Variants in TENM1 observed in about 807,000 individuals in gnomAD.
TENM1 encodes the protein teneurin transmembrane protein 1.
TENM1 carries 35 observed loss-of-function variants against 174.8 expected under a neutral mutation model. The ratio of observed to expected loss-of-function variants is 0.20; its 90% CI spans 0.15 to 0.27. TENM1 has a LOEUF of 0.27. Among genes scored for constraint, TENM1 ranks in the 10% least tolerant of loss-of-function variants. The pLI, the probability that TENM1 is intolerant of heterozygous loss-of-function variation, is 1.00. For synonymous variants in TENM1, 781 were observed against 798.7 expected (o/e 0.98, Z 0.37); for missense variants, 1,633 against 2,130.1 (o/e 0.77, Z 4.59).
intron 11 of TENM1, among the ~76,000 whole-genome samples, chrX:124,620,543 T>C (rs760089963): frequency 2.5e-4 from 28 of 112,329 alleles, no homozygotes; most frequent in African/African-American, 8.7e-4. Context: ...TTCACAAATA[T>C]TTGTAATAGT....
chrX:124,524,366 G>A (rs191284833), intron 16 of TENM1, among the ~76,000 whole-genome samples: 3 of 112,228 alleles, frequency 2.7e-5, no homozygotes, highest in African/African-American at 6.5e-5. Context: ...CATAAGAAAA[G>A]TAAGGAGCCA....
At chrX:125,019,464 A>G in the TENM1 span, among the ~76,000 whole-genome samples, 2 of 111,622 alleles carry the variant, frequency 1.8e-5, no homozygotes, top group African/African-American at 6.5e-5. Flanking sequence ...ACCCATCATG[A>G]AAGTTGAGAC....
intron 3 of TENM1, among the ~76,000 whole-genome samples, chrX:124,790,706 T>C (rs1376142464): frequency 1.8e-5 from 2 of 111,984 alleles, no homozygotes; most frequent in Non-Finnish European, 3.8e-5. Context: ...TTTATTTTTC[T>C]CTATTATTCA....
chrX:125,053,590 C>T, the TENM1 span, among the ~76,000 whole-genome samples: 1 of 112,007 alleles, frequency 8.9e-6, no homozygotes, highest in Non-Finnish European at 1.9e-5. Flanking sequence ...CTGACCAGTG[C>T]TTCACCTCTG....
At chrX:124,450,276 C>T (rs984549517) in intron 23 of TENM1, among the ~76,000 whole-genome samples, 34 of 108,204 alleles carry the variant, frequency 3.1e-4, no homozygotes, top group Non-Finnish European at 4.6e-4. Context: ...AGGAGAATGG[C>T]GTGAACCCGG....
chrX:125,009,413 T>C, the TENM1 span, among the ~76,000 whole-genome samples: 2 of 110,640 alleles, frequency 1.8e-5, no homozygotes, highest in African/African-American at 6.6e-5. Flanking sequence ...AATCAAAAAA[T>C]TCCCAGGAGA....
At chrX:124,857,686 T>A (rs967281607) in intron 3 of TENM1, among the ~76,000 whole-genome samples, 5 of 110,213 alleles carry the variant, frequency 4.5e-5, no homozygotes, top group Non-Finnish European at 9.5e-5. Context: ...ACTCTGTAAA[T>A]ATAATAAAAA....
intron 22 of TENM1, among the ~76,000 whole-genome samples, chrX:124,463,110 GTC>G (rs1277310551): frequency 2.7e-5 from 3 of 111,899 alleles, no homozygotes; most frequent in Non-Finnish European, 5.6e-5. Context: ...CAGTTGTTCT[GTC>G]AATATAACTT....
intron 23 of TENM1, 34 bp downstream of exon 26, chrX:124,453,303 A>G: frequency 8.6e-7 from 1 of 1,164,780 alleles, no homozygotes. Context: ...ATGATGCCAA[A>G]TGACAATAAT....
chrX:125,054,365 ACTT>A, the TENM1 span, among the ~76,000 whole-genome samples: 4 of 110,054 alleles, frequency 3.6e-5, no homozygotes, highest in African/African-American at 9.9e-5. Context: ...AGCTAATTAA[ACTT>A]CTTTTCTTTA....
chrX:124,577,043 C>T (rs1050355115), intron 11 of TENM1, among the ~76,000 whole-genome samples: 2 of 112,164 alleles, frequency 1.8e-5, no homozygotes, highest in Non-Finnish European at 3.8e-5. Context: ...AAGAACACTT[C>T]ACGAAGACTA....
At chrX:124,414,405 G>A (rs1043788518) in intron 25 of TENM1, among the ~76,000 whole-genome samples, 2 of 111,631 alleles carry the variant, frequency 1.8e-5, no homozygotes, top group African/African-American at 6.5e-5. Context: ...TGTGGAGAAA[G>A]GCTTGTCTGC....
At chrX:124,859,417 G>A (rs978060126) in intron 3 of TENM1, among the ~76,000 whole-genome samples, 14 of 108,278 alleles carry the variant, frequency 1.3e-4, no homozygotes, top group African/African-American at 3.7e-4. Context: ...GGTGGCAGGC[G>A]CCTGTAATCC....
chrX:124,472,636 T>A (rs999073166), intron 22 of TENM1, among the ~76,000 whole-genome samples: 2 of 111,350 alleles, frequency 1.8e-5, no homozygotes, highest in South Asian at 7.5e-4. Flanking sequence ...GTTTGCTGCA[T>A]GTTGTTTGAA....
chrX:125,125,824 C>T, the TENM1 span, among the ~76,000 whole-genome samples: 2 of 111,921 alleles, frequency 1.8e-5, no homozygotes, highest in Non-Finnish European at 3.8e-5. Context: ...GTTTGACTCA[C>T]TTTGGAGGAA....
chrX:124,425,995 G>GGTGT (rs200141105), intron 23 of TENM1, among the ~76,000 whole-genome samples: 889 of 87,970 alleles, frequency 0.01, 15 homozygotes, highest in African/African-American at 0.033. Flanking sequence ...CAAAAGGACT[G>GGTGT]GTGTGTGTGT....
chrX:124,414,682 A>T (rs2060574934), intron 25 of TENM1, among the ~76,000 whole-genome samples: 1 of 111,236 alleles, frequency 9.0e-6, no homozygotes, highest in African/African-American at 3.3e-5. Flanking sequence ...AAACAACATC[A>T]CACTACCTAA....
At position 124,529,614 on chromosome X, in the gene TENM1, G is replaced by A. The variant is rs976781732; in HGVS notation, c.2771+250C>T. Among the ~76,000 whole-genome samples the A allele has an allele frequency of 6.2e-5, 7 of 112,070 alleles. No homozygotes were observed. In the Admixed American group the frequency reaches 6.6e-4, roughly 11 times the overall value. On this transcript the variant is annotated intron_variant, in intron 16 of 31. Transcript: ENST00000422452. ...ACTGATCTTTGAAGTTGGATTTATA[G>A]ATGGAATTAGATAAAGGATAGAAAA... is the stretch of plus-strand genomic sequence containing the variant.
Position 124,824,091 on chromosome X carries a change from T to C in TENM1, c.535+70205A>G, listed in dbSNP as rs928859570. On this transcript the variant is annotated intron_variant, in intron 3 of 31. Coordinates refer to ENST00000422452, the Ensembl canonical transcript of TENM1. ...TCCTTCCTTTCTTTATTTGTCTTCA[T>C]GCCTTCACATTTATTTCATTTACAT... Among the ~76,000 whole-genome samples the C allele has an allele frequency of 3.6e-5, 4 of 111,899 alleles. No individual in the cohort carries two copies. In the East Asian group the frequency reaches 1.1e-3, roughly 31 times the overall value.
Sources: gnomAD v4.1 joint callset for allele counts (sites outside exome capture counted in the v4.1 genomes callset) on GRCh38, gnomAD v4.1.1 for gene constraint, MANE v1.5 for transcripts, NCBI Gene and HGNC (gene_info 2026-07-23, HGNC 2026-07-21) for gene names.